MICU1: variants seen among roughly 807,000 people sequenced by gnomAD.
The protein encoded by MICU1 is mitochondrial calcium uptake 1, also known as calcium uptake protein 1, mitochondrial.
A neutral mutation model predicts 56.8 loss-of-function variants in MICU1; 45 were observed. That is an observed-to-expected ratio of 0.79 (90% CI 0.62 to 1.02). MICU1 has a LOEUF of 1.02. MICU1 is among the 50% of genes least tolerant of loss of function. The probability of loss-of-function intolerance (pLI) is 0.00; values close to 1 mark genes in which losing one functional copy is unlikely to be tolerated. For missense variants in MICU1, 504 were observed against 587.1 expected (o/e 0.86, Z 1.46); for synonymous variants, 186 against 195.1 (o/e 0.95, Z 0.39).
At chr10:72,415,204 T>C (rs1481016437) in intron 9 of MICU1, among the ~76,000 whole-genome samples, 1 of 152,054 alleles carries the variant, frequency 6.6e-6, no homozygotes, top group African/African-American at 2.4e-5. Context: ...TTTGTAGAGA[T>C]GTGCTTTCGC....
At chr10:72,610,100 A>T (rs1202445839) in intron 1 of MICU1, among the ~76,000 whole-genome samples, 2 of 151,718 alleles carry the variant, frequency 1.3e-5, no homozygotes, top group Non-Finnish European at 2.9e-5. Context: ...CCCTACAAAA[A>T]TTTTTTAAAA....
chr10:72,454,326 T>G (rs776110003), intron 8 of MICU1, among the ~76,000 whole-genome samples: 1 of 150,530 alleles, frequency 6.6e-6, no homozygotes, highest in Non-Finnish European at 1.5e-5. Context: ...TGGTGGCACA[T>G]GTCTGTAATC....
intron 7 of MICU1, among the ~76,000 whole-genome samples, chr10:72,476,226 CAAAAAAAAAAA>C (rs71018297): frequency 2.7e-5 from 2 of 73,836 alleles, no homozygotes; most frequent in African/African-American, 1.1e-4. Context: ...GACTCCATCT[CAAAAAAAAAAA>C]AAAAAAAAAA....
rs576657674 is a variant in MICU1, at chr10:72,476,216, G to C, written c.736-919C>G. Among the ~76,000 whole-genome samples, 36 of 109,274 alleles carry C rather than the reference G, an allele frequency of 3.3e-4. 1 individual carries two copies. In the East Asian group the frequency reaches 8.8e-3, roughly 27 times the overall value. The allele number at this position is 109,274 out of a possible 152,430, so 71.7% of individuals were successfully genotyped here. Reference sequence around the variant, plus strand: ...TACTCCAACCTGGGTGACAGAGCGAGACTCCATCTCAAAAAAAAAAAAAAA... The same window carrying C: ...TACTCCAACCTGGGTGACAGAGCGACACTCCATCTCAAAAAAAAAAAAAAA... On this transcript the variant is annotated intron_variant, in intron 7 of 11. Coordinates refer to ENST00000361114, the MANE Select transcript of MICU1 (RefSeq NM_001195518.2).
chr10:72,539,508 A>T (rs1839715985), intron 4 of MICU1, among the ~76,000 whole-genome samples: 1 of 152,202 alleles, frequency 6.6e-6, no homozygotes, highest in Admixed American at 6.5e-5. Context: ...TGAAGAAATT[A>T]AAAAGAAAAT....
intron 10 of MICU1, among the ~76,000 whole-genome samples, chr10:72,395,965 A>T (rs914550709): frequency 1.4e-4 from 22 of 152,354 alleles, no homozygotes; most frequent in Non-Finnish European, 7.4e-5. Flanking sequence ...GAACAGACAG[A>T]CTGCCTCCTC....
chr10:72,423,512 C>T (rs950793828), intron 8 of MICU1, 141 bp from the exon 9 acceptor site: 2 of 1,046,714 alleles, frequency 1.9e-6, no homozygotes, highest in Non-Finnish European at 2.7e-6. Flanking sequence ...TCAGTAAGAT[C>T]TGCAAAAACT....
intron 8 of MICU1, among the ~76,000 whole-genome samples, chr10:72,426,597 A>C (rs929043923): frequency 6.6e-6 from 1 of 151,176 alleles, no homozygotes; most frequent in African/African-American, 2.4e-5. Context: ...GGGGTACCCT[A>C]TGTTGCCTGG....
chr10:72,417,096 T>C (rs932135303), intron 9 of MICU1, among the ~76,000 whole-genome samples: 3 of 152,286 alleles, frequency 2.0e-5, no homozygotes, highest in East Asian at 3.9e-4. Context: ...AATGTGAATA[T>C]AGAATTACAG....
chr10:72,605,776 C>T (rs1008355855), intron 1 of MICU1, among the ~76,000 whole-genome samples: 2 of 152,104 alleles, frequency 1.3e-5, no homozygotes, highest in African/African-American at 2.4e-5. Context: ...TTTTGGTATC[C>T]GAGGGGGTCC....
At chr10:72,500,721 C>T (rs751822402) in intron 6 of MICU1, among the ~76,000 whole-genome samples, 1 of 152,084 alleles carries the variant, frequency 6.6e-6, no homozygotes, top group Non-Finnish European at 1.5e-5. Context: ...TATATGAAGA[C>T]AAAGAACACA....
At chr10:72,475,386 C>A (rs1589257553) in intron 7 of MICU1, 89 bp from the exon 8 acceptor site, 2 of 1,189,310 alleles carry the variant, frequency 1.7e-6, no homozygotes, top group East Asian at 5.1e-5. Flanking sequence ...CTATTGTTTA[C>A]TATTTGCCTA....
intron 6 of MICU1, chr10:72,477,511 T>C: frequency 6.5e-7 from 1 of 1,535,860 alleles, no homozygotes; most frequent in South Asian, 1.2e-5. Context: ...TTCAACATGC[T>C]TTGCCTTAAA....
chr10:72,407,943 G>A lies in MICU1; in HGVS notation c.1166C>T (p.Ala389Val). ...AGTTTCATTACCTTTATCAAGAGATGCTCCAGCCATATGGTAAAAACTCAA... is the reference window on the plus strand; with the variant it reads ...AGTTTCATTACCTTTATCAAGAGATACTCCAGCCATATGGTAAAAACTCAA... ...TALSFYHMAG[A>V]SLDKVTMQQV... The change falls in exon 10 of 12, where the codon GCA becomes GTA. Residue 389 changes from alanine (A) to valine (V), a missense_variant. By Grantham distance (64) the Ala-to-Val change is moderately conservative. Transcript: ENST00000361114. 3 of 1,611,338 alleles carry A rather than the reference G, an allele frequency of 1.9e-6. No homozygotes were observed. Among genetic ancestry groups the A allele is most frequent in the Non-Finnish European group, 2.5e-6 (3 of 1,178,088 alleles).
At chr10:72,558,324 CTG>C (rs139990530) in intron 3 of MICU1, among the ~76,000 whole-genome samples, 4,114 of 152,228 alleles carry the variant, frequency 0.027, 152 homozygotes, top group Admixed American at 0.095. Context: ...AACACCATCT[CTG>C]TGGATCAGAG....
At chr10:72,530,373 A>ATAATAATGG (rs1403969467) in intron 5 of MICU1, among the ~76,000 whole-genome samples, 1 of 38,524 alleles carries the variant, frequency 2.6e-5, no homozygotes, top group African/African-American at 8.5e-5. Flanking sequence ...AATAATAATA[A>ATAATAATGG]TGCCAGAATA....
intron 3 of MICU1, among the ~76,000 whole-genome samples, chr10:72,551,747 T>C (rs1840040773): frequency 1.3e-5 from 2 of 152,292 alleles, no homozygotes; most frequent in Non-Finnish European, 2.9e-5. Flanking sequence ...AGTCTTTTTT[T>C]CTATTTTTTA....
chr10:72,481,466 C>T (rs1321071978), intron 6 of MICU1, among the ~76,000 whole-genome samples: 3 of 152,066 alleles, frequency 2.0e-5, no homozygotes, highest in African/African-American at 7.2e-5. Context: ...GGCTGGAGTG[C>T]AGTGGCATGA....
At chr10:72,558,548 A>T (rs935588934) in intron 3 of MICU1, among the ~76,000 whole-genome samples, 1 of 152,188 alleles carries the variant, frequency 6.6e-6, no homozygotes, top group Non-Finnish European at 1.5e-5. Context: ...AAGGAGGGTA[A>T]AGTTTTAGTA....
Sources: gnomAD v4.1 joint callset for allele counts (sites outside exome capture counted in the v4.1 genomes callset) on GRCh38, gnomAD v4.1.1 for gene constraint, MANE v1.5 for transcripts, NCBI Gene and HGNC (gene_info 2026-07-23, HGNC 2026-07-21) for gene names.